The following FAT3 variants were observed in gnomAD, a reference collection of about 807,000 sequenced individuals.
FAT3 encodes the protein FAT atypical cadherin 3.
In FAT3, 95 loss-of-function variants were observed where a neutral mutation model predicts 310.2. The observed-to-expected ratio is 0.31, with a 90% CI of 0.26 to 0.36. FAT3 has a LOEUF of 0.36. Among genes scored for constraint, FAT3 ranks in the 10% least tolerant of loss-of-function variants. The pLI is 1.00. For synonymous variants in FAT3, 2,314 were observed against 2,192.9 expected, an observed-to-expected ratio of 1.06 and a Z score of -1.54; for missense variants, 5,408 against 5,715.6, an observed-to-expected ratio of 0.95 and a Z score of 1.74.
At position 92,353,922 on chromosome 11, in the gene FAT3, G is replaced by A. The variant is rs766644775; in HGVS notation, c.1810G>A (p.Asp604Asn). ...GGHITAVSAIDIDELELVKYK... is the reference protein window; with the variant it reads ...GGHITAVSAINIDELELVKYK... ...TCACATCACAGCAGTCTCAGCGATC[G>A]ATATCGATGAACTTGAACTTGTAAA... is the stretch of plus-strand genomic sequence containing the variant. The change falls in exon 2 of 28, where the codon GAT becomes AAT. Residue 604 changes from aspartate (D) to asparagine (N), a missense_variant. Physicochemically the swap from Asp to Asn is conservative, Grantham distance 23. Around this residue, in one of 5 missense-constraint regions of FAT3, gnomAD observed 4,588 missense variants for 4,809.8 expected, o/e 0.95. Transcript: ENST00000525166. 5.6e-6 allele frequency: 9 copies of A among 1,611,702 alleles called. No homozygotes were observed. Among genetic ancestry groups the A allele is most frequent in the Non-Finnish European group, 6.8e-6 (8 of 1,178,044 alleles).
rs1338542722 is a variant in FAT3, at chr11:92,775,801, G to T, written c.4335+1621G>T. Among the ~76,000 whole-genome samples the T allele has an allele frequency of 2.0e-5, 3 of 152,260 alleles. No individual in the cohort carries two copies. In the South Asian group the frequency reaches 6.2e-4, roughly 32 times the overall value. ...TATGTGATTCTGACATGCAGCCAGG[G>T]TCGAGGACCCCATTAACTCTCAAAA... On this transcript the variant is annotated intron_variant, in intron 7 of 27. Coordinates refer to ENST00000525166, the MANE Select transcript of FAT3 (RefSeq NM_001367949.2).
At chr11:92,644,351 A>G (rs1343774989) in intron 3 of FAT3, among the ~76,000 whole-genome samples, 2 of 152,278 alleles carry the variant, frequency 1.3e-5, no homozygotes, top group Non-Finnish European at 2.9e-5. Flanking sequence ...CAGTAATCAT[A>G]ATGCTAAATT....
chr11:92,771,330 CT>C (rs1290820723), intron 6 of FAT3, among the ~76,000 whole-genome samples: 2 of 152,084 alleles, frequency 1.3e-5, no homozygotes, highest in Admixed American at 1.3e-4. Context: ...TCCTATGAAA[CT>C]GAAATCACTT....
chr11:92,329,378 T>C (rs1947848707), intron 1 of FAT3, among the ~76,000 whole-genome samples: 1 of 152,006 alleles, frequency 6.6e-6, no homozygotes, highest in African/African-American at 2.4e-5. Flanking sequence ...GCTCTCTTGC[T>C]TCCTCTCCTG....
intron 2 of FAT3, among the ~76,000 whole-genome samples, chr11:92,477,760 C>A (rs926917547): frequency 6.6e-6 from 1 of 152,182 alleles, no homozygotes; most frequent in African/African-American, 2.4e-5. Context: ...TGAATGTATT[C>A]AAGGTTCACT....
At chr11:92,886,748 A>C in intron 24 of FAT3, 1 of 433,262 alleles carries the variant, frequency 2.3e-6, no homozygotes, top group Non-Finnish European at 4.1e-6. Flanking sequence ...AGAAACAGCC[A>C]CTTTTGGCTG....
intron 13 of FAT3, among the ~76,000 whole-genome samples, chr11:92,818,082 G>T (rs1947868654): frequency 6.6e-6 from 1 of 152,166 alleles, no homozygotes; most frequent in South Asian, 2.1e-4. Context: ...GTCTATACCT[G>T]CAGCCCTAGA....
Position 92,302,394 on chromosome 11 carries a change from A to G in FAT3, c.-17-49702A>G, listed in dbSNP as rs1261622408. Among the ~76,000 whole-genome samples, 3 of 152,102 alleles carry G rather than the reference A, an allele frequency of 2.0e-5. No individual in the cohort carries two copies. In the East Asian group the frequency reaches 5.8e-4, roughly 29 times the overall value. On this transcript the variant is annotated intron_variant, in intron 1 of 27. Transcript: ENST00000525166. ...AACTGGCAGTTTATTGTGTCGATAT[A>G]AATTGTAATTATCTACCTTTCCTTT... is the stretch of plus-strand genomic sequence containing the variant.
chr11:92,574,989 G>A (rs1792347), intron 3 of FAT3, among the ~76,000 whole-genome samples: 112,791 of 152,026 alleles, frequency 0.74, 44,103 homozygotes, highest in Non-Finnish European at 0.88. Flanking sequence ...ACTTAGATTC[G>A]GGTCTGATGG....
intron 3 of FAT3, among the ~76,000 whole-genome samples, chr11:92,646,331 C>A (rs79313121): frequency 2.1e-3 from 319 of 152,310 alleles, no homozygotes; most frequent in African/African-American, 7.5e-3. Context: ...CATGGCACAT[C>A]AGGGTTCTAA....
chr11:92,305,313 A>G (rs559110188), intron 1 of FAT3, among the ~76,000 whole-genome samples: 2 of 152,302 alleles, frequency 1.3e-5, no homozygotes, highest in Non-Finnish European at 2.9e-5. Flanking sequence ...TCTAGAAGGT[A>G]CACACCCTCC....
chr11:92,443,070 G>A (rs1052800319), intron 2 of FAT3, among the ~76,000 whole-genome samples: 1 of 151,968 alleles, frequency 6.6e-6, no homozygotes, highest in Non-Finnish European at 1.5e-5. Context: ...TTTTAATTAC[G>A]AACATAACTA....
In FAT3 at chr11:92,579,835, CACCCCAA is replaced by C. The variant is rs1181155579; in HGVS notation, c.3607+54889_3607+54895del. On this transcript the variant is annotated intron_variant, in intron 3 of 27. Coordinates refer to ENST00000525166, the MANE Select transcript of FAT3 (RefSeq NM_001367949.2). The stretch of plus-strand genomic sequence containing the variant: ...TGTAGCACCTTATGAAACACCTATG[CACCCCAA>C]ATGGTAAAGATAATTGAATGCCTCC... 5.9e-5 allele frequency among the ~76,000 whole-genome samples: 9 copies of C among 152,088 alleles called. No homozygotes were observed. The East Asian group carries it at 7.7e-4, about 13-fold the overall frequency.
At chr11:92,403,046 G>A (rs1950056593) in intron 2 of FAT3, among the ~76,000 whole-genome samples, 2 of 152,072 alleles carry the variant, frequency 1.3e-5, no homozygotes, top group Admixed American at 1.3e-4. Flanking sequence ...AAGATAGCAG[G>A]CCCATCAGTC....
intron 3 of FAT3, among the ~76,000 whole-genome samples, chr11:92,555,984 G>A (rs1262499502): frequency 6.6e-6 from 1 of 152,192 alleles, no homozygotes; most frequent in Non-Finnish European, 1.5e-5. Flanking sequence ...TTAAAAATAG[G>A]ACTGATAATA....
chr11:92,842,026 T>C (rs542381994), intron 18 of FAT3, among the ~76,000 whole-genome samples: 12 of 152,306 alleles, frequency 7.9e-5, no homozygotes, highest in African/African-American at 2.6e-4. Flanking sequence ...AGCCTGTTTT[T>C]AGCATTGAAG....
At chr11:92,381,727 A>AT (rs1214674373) in intron 2 of FAT3, among the ~76,000 whole-genome samples, 4 of 152,110 alleles carry the variant, frequency 2.6e-5, no homozygotes, top group Admixed American at 6.6e-5. Flanking sequence ...AAAATTTGGG[A>AT]TTTTTTGGTG....
At chr11:92,594,269 C>G (rs1427442065) in intron 3 of FAT3, among the ~76,000 whole-genome samples, 5 of 152,138 alleles carry the variant, frequency 3.3e-5, no homozygotes, top group Non-Finnish European at 1.5e-5. Context: ...ATGGAGAAAC[C>G]CTGTCTCTAC....
At chr11:92,784,197 T>A (rs146555435) in intron 7 of FAT3, among the ~76,000 whole-genome samples, 174 of 152,268 alleles carry the variant, frequency 1.1e-3, no homozygotes, top group African/African-American at 3.5e-3. Context: ...CCAGAAATAA[T>A]AAAGTCTAGG....
Sources: allele counts gnomAD v4.1 joint callset (sites outside exome capture counted in the v4.1 genomes callset), GRCh38; gene constraint gnomAD v4.1.1; regional missense constraint gnomAD v4.1.1; transcripts MANE v1.5; gene names NCBI Gene and HGNC (gene_info 2026-07-23, HGNC 2026-07-21).